Variants in IRS1 observed in about 807,000 individuals in gnomAD.
The protein encoded by IRS1 is insulin receptor substrate 1.
A neutral mutation model predicts 65.6 loss-of-function variants in IRS1; 34 were observed. The ratio of observed to expected loss-of-function variants is 0.52; its 90% CI spans 0.39 to 0.69. IRS1 has a LOEUF of 0.69. Ranked by LOEUF, IRS1 falls within the 30% of genes least tolerant of loss-of-function variation. The probability of loss-of-function intolerance (pLI) is 0.00; values close to 1 mark genes in which losing one functional copy is unlikely to be tolerated. For missense variants in IRS1, 1,641 were observed against 1,720.2 expected (o/e 0.95, Z 0.81); for synonymous variants, 699 against 683.5 (o/e 1.02, Z -0.35).
chr2:226,787,550 A>G (rs914116406), intron 1 of IRS1, among the ~76,000 whole-genome samples: 1 of 152,156 alleles, frequency 6.6e-6, no homozygotes, highest in African/African-American at 2.4e-5. Flanking sequence ...TAAAAGGTGT[A>G]CTATTTGGAA....
rs1237148979 is a variant in IRS1, at chr2:226,733,345, C to T, written c.*2927G>A. Reference sequence around the variant, plus strand: ...CACTGGATTAGTCAAGAGTCCTTGACCTTTGAAAGTCAGCAAGAAATAGCC... The same window carrying T: ...CACTGGATTAGTCAAGAGTCCTTGATCTTTGAAAGTCAGCAAGAAATAGCC... On this transcript the variant is annotated 3_prime_UTR_variant, in exon 2 of 2. Coordinates refer to ENST00000305123, the MANE Select transcript of IRS1 (RefSeq NM_005544.3). The T allele has an allele frequency of 6.6e-6, 1 of 152,108 alleles. No homozygotes were observed. Among genetic ancestry groups the T allele is most frequent in the East Asian group, 1.9e-4 (1 of 5,196 alleles). 9.4% of individuals were successfully genotyped at this position (152,108 alleles called of 1,614,324 possible). A position where few individuals can be genotyped will look rare whatever the true frequency, so the allele number is the denominator to read the frequency against.
intron 1 of IRS1, among the ~76,000 whole-genome samples, chr2:226,768,963 C>T (rs1285070095): frequency 6.6e-6 from 1 of 152,196 alleles, no homozygotes; most frequent in Non-Finnish European, 1.5e-5. Flanking sequence ...CCAGAGCTCA[C>T]TGAGGCAAGA....
At chr2:226,778,958 C>T (rs1340962097) in intron 1 of IRS1, among the ~76,000 whole-genome samples, 1 of 152,222 alleles carries the variant, frequency 6.6e-6, no homozygotes, top group Non-Finnish European at 1.5e-5. Flanking sequence ...AGCTTTCTCA[C>T]TCACATGGCC....
chr2:226,738,761 G>A (rs746948266), intron 1 of IRS1, among the ~76,000 whole-genome samples: 3 of 152,144 alleles, frequency 2.0e-5, no homozygotes, highest in East Asian at 1.9e-4. Context: ...CTAGATTAGC[G>A]CTTAACAGAG....
chr2:226,744,456 G>A (rs192936607), intron 1 of IRS1, among the ~76,000 whole-genome samples: 8 of 152,288 alleles, frequency 5.3e-5, no homozygotes, highest in Admixed American at 6.5e-5. Context: ...CTCAGTAGAA[G>A]ATTTTCCCTA....
At chr2:226,757,527 A>G (rs974676269) in intron 1 of IRS1, among the ~76,000 whole-genome samples, 1 of 152,174 alleles carries the variant, frequency 6.6e-6, no homozygotes, top group Non-Finnish European at 1.5e-5. Flanking sequence ...GAGGCAAGAA[A>G]ATTGCTTGAA....
rs990598852 is a variant in IRS1 at position 226,734,732 on chromosome 2, A to T, written c.*1540T>A. The T allele has an allele frequency of 2.0e-5, 3 of 152,228 alleles. No homozygotes were observed. The highest frequency in any genetic ancestry group is 7.2e-5 in the African/African-American group (3 of 41,470). 9.4% of individuals were successfully genotyped at this position (152,228 alleles called of 1,614,324 possible). On this transcript the variant is annotated 3_prime_UTR_variant, in exon 2 of 2. Transcript: ENST00000305123. ...CTTTAGGAAGTTTCCTGGTAAAAAG[A>T]TTTAAAAATCTGTCGGCAATATCTT... is the stretch of plus-strand genomic sequence containing the variant.
At chr2:226,759,194 C>A (rs1217033813) in intron 1 of IRS1, among the ~76,000 whole-genome samples, 2 of 152,198 alleles carry the variant, frequency 1.3e-5, no homozygotes, top group East Asian at 1.9e-4. Context: ...TTTTGAAAGA[C>A]AATTCCAAAT....
In IRS1 at chr2:226,799,728, C is replaced by T. The variant is rs1465278302; in HGVS notation, c.-990G>A. ...CCAAAACAAGCGGCGGCGTCTGGCT[C>T]TGCGCGCCGGCCCCCTCCGACCGCG... On this transcript the variant is annotated 5_prime_UTR_variant, in exon 1 of 2. Coordinates refer to ENST00000305123, the MANE Select transcript of IRS1 (RefSeq NM_005544.3). This position sits in a 1 kb window ranked among gnomAD's most constrained non-coding sequence, Gnocchi z 6.1. 1 of 999,584 alleles carries T rather than the reference C, an allele frequency of 1.0e-6. No homozygotes were observed. Among genetic ancestry groups the T allele is most frequent in the Non-Finnish European group, 1.2e-6 (1 of 830,088 alleles). The allele number at this position is 999,584 out of a possible 1,614,324, so 61.9% of individuals were successfully genotyped here.
chr2:226,781,905 C>T lies in IRS1; in HGVS notation c.*21+13084G>A, dbSNP rs113542770. Among the ~76,000 whole-genome samples the T allele has an allele frequency of 3.3e-3, 492 of 150,344 alleles. 2 individuals are homozygous for T. Among genetic ancestry groups the T allele is most frequent in the African/African-American group, 0.011 (454 of 41,022 alleles). On this transcript the variant is annotated intron_variant, in intron 1 of 1. Coordinates refer to ENST00000305123, the MANE Select transcript of IRS1 (RefSeq NM_005544.3). ...ACACACACACACACACACACACACA[C>T]ACGTTTGGGCAAAAGGGAGTTTTAA... is the stretch of plus-strand genomic sequence containing the variant.
chr2:226,795,074 G>C lies in IRS1; in HGVS notation c.3665C>G (p.Ser1222Ter). 1.2e-6 allele frequency: 2 copies of C among 1,612,108 alleles called. No homozygotes were observed. The highest frequency in any genetic ancestry group is 1.7e-6 in the Non-Finnish European group (2 of 1,179,634). ...GSGESSSTRRSSEDLSAYASI... is the reference protein window; with the variant it reads ...GSGESSSTRR ...GGCATAGGCGCTTAAATCCTCACTT[G>C]AGCGGCGGGTGGAGCTGCTCTCACC... The change falls in exon 1 of 2, where the codon TCA becomes TGA. Residue 1222 changes from serine to a stop codon, truncating the protein, a stop_gained. Transcript: ENST00000305123. LOFTEE classifies it high-confidence loss of function.
intron 1 of IRS1, among the ~76,000 whole-genome samples, chr2:226,764,205 C>T (rs1248996376): frequency 6.6e-6 from 1 of 151,350 alleles, no homozygotes; most frequent in Non-Finnish European, 1.5e-5. Context: ...CCTTTAGAAA[C>T]ATCGAAGGAT....
chr2:226,799,613 C>T lies in IRS1; in HGVS notation c.-875G>A. The T allele has an allele frequency of 3.0e-6, 3 of 1,004,458 alleles. No homozygotes were observed. The highest frequency in any genetic ancestry group is 2.4e-6 in the Non-Finnish European group (2 of 832,820). The allele number at this position is 1,004,458 out of a possible 1,614,324, so 62.2% of individuals were successfully genotyped here. A position where few individuals can be genotyped will look rare whatever the true frequency, so the allele number is the denominator to read the frequency against. ...AGGTTTGGGAAGGGTTCGGGGAAGA[C>T]GCCTGTTCCTCGGGAGGCGCTGCCG... On this transcript the variant is annotated 5_prime_UTR_variant, in exon 1 of 2. Transcript: ENST00000305123. The surrounding 1 kb of genome is among the most constrained non-coding windows in gnomAD (Gnocchi z 6.1).
intron 1 of IRS1, among the ~76,000 whole-genome samples, chr2:226,743,724 T>A (rs1938486165): frequency 6.6e-6 from 1 of 152,234 alleles, no homozygotes; most frequent in African/African-American, 2.4e-5. Context: ...CTATTGTAAT[T>A]TCACATCACT....
intron 1 of IRS1, among the ~76,000 whole-genome samples, chr2:226,769,873 T>C (rs866585627): frequency 1.6e-4 from 25 of 152,198 alleles, no homozygotes; most frequent in African/African-American, 4.8e-4. Flanking sequence ...TATCAGCCAT[T>C]GATCGCCTTA....
At chr2:226,783,018 G>A (rs1939417023) in intron 1 of IRS1, among the ~76,000 whole-genome samples, 1 of 152,090 alleles carries the variant, frequency 6.6e-6, no homozygotes, top group Non-Finnish European at 1.5e-5. Context: ...ACAAAACAAA[G>A]TGTAATCCTC....
intron 1 of IRS1, among the ~76,000 whole-genome samples, chr2:226,766,121 T>TTTTATA (rs1491160572): frequency 1.4e-4 from 2 of 14,244 alleles, no homozygotes; most frequent in South Asian, 3.1e-3. Flanking sequence ...TCTCTTAATC[T>TTTTATA]TATATATATA....
chr2:226,766,144 TATATATATATA>T lies in IRS1; in HGVS notation c.*21+28834_*21+28844del, dbSNP rs1559151977. The stretch of plus-strand genomic sequence containing the variant: ...TCTTATATATATATATATATATATA[TATATATATATA>T]TATATATATTTTTTTTTTTTTTTTT... On this transcript the variant is annotated intron_variant, in intron 1 of 1. Transcript: ENST00000305123. Among the ~76,000 whole-genome samples the T allele has an allele frequency of 4.1e-3, 20 of 4,840 alleles. 2 individuals are homozygous for T. In the South Asian group the frequency reaches 0.051, roughly 12 times the overall value. 3.2% of individuals were successfully genotyped at this position (4,840 alleles called of 152,430 possible).
At chr2:226,766,138 T>TAC (rs1939031479) in intron 1 of IRS1, among the ~76,000 whole-genome samples, 1 of 3,996 alleles carries the variant, frequency 2.5e-4, no homozygotes, top group Non-Finnish European at 7.8e-4. Context: ...TATATATATA[T>TAC]ATATATATAT....
Sources: allele counts gnomAD v4.1 joint callset (sites outside exome capture counted in the v4.1 genomes callset), GRCh38; gene constraint gnomAD v4.1.1; non-coding constraint Gnocchi (gnomAD v3.1); transcripts MANE v1.5; gene names NCBI Gene and HGNC (gene_info 2026-07-23, HGNC 2026-07-21).